The following FGFR2 variants were observed in gnomAD, a reference collection of about 807,000 sequenced individuals.
FGFR2 encodes fibroblast growth factor receptor 2, also known as BEK fibroblast growth factor receptor.
A neutral mutation model predicts 95.9 loss-of-function variants in FGFR2; 19 were observed. That is an observed-to-expected ratio of 0.20 (90% confidence interval 0.14 to 0.29). The LOEUF (loss-of-function observed/expected upper bound fraction) is 0.29, where lower values mean the gene tolerates loss of function less well. FGFR2 is among the 10% of genes least tolerant of loss of function. The probability of loss-of-function intolerance (pLI) is 1.00; values close to 1 mark genes in which losing one functional copy is unlikely to be tolerated. For missense variants in FGFR2, 707 were observed against 1,056.9 expected (o/e 0.67, Z 4.59); for synonymous variants, 392 against 393.3 (o/e 1.00, Z 0.04).
intron 3 of FGFR2, among the ~76,000 whole-genome samples, chr10:121,564,884 A>G (rs561817494): frequency 6.6e-6 from 1 of 152,296 alleles, no homozygotes; most frequent in East Asian, 1.9e-4. Flanking sequence ...AAATTTACCA[A>G]TTGTGTAGCA....
intron 5 of FGFR2, among the ~76,000 whole-genome samples, chr10:121,542,126 T>A (rs1471984094): frequency 6.6e-6 from 1 of 152,184 alleles, no homozygotes; most frequent in African/African-American, 2.4e-5. Flanking sequence ...AAGGTATCAT[T>A]AAACAGTTAT....
rs555148370 is a variant in FGFR2, at chr10:121,531,242, G to A, written c.748+7350C>T. On this transcript the variant is annotated intron_variant, in intron 6 of 17. Transcript: ENST00000358487. The surrounding 1 kb of genome is among the most constrained non-coding windows in gnomAD (Gnocchi z 4.5). Reference sequence around the variant, plus strand: ...TGGCGTGTGCCTGCTCCCACCCCAGGGAGCTGGCACCCGCAGAATACCACC... The same window carrying A: ...TGGCGTGTGCCTGCTCCCACCCCAGAGAGCTGGCACCCGCAGAATACCACC... 180 of 152,242 alleles carry A rather than the reference G, an allele frequency of 1.2e-3. 1 individual carries two copies. Among genetic ancestry groups the A allele is most frequent in the African/African-American group, 4.1e-3 (169 of 41,546 alleles). 9.4% of individuals were successfully genotyped at this position (152,242 alleles called of 1,614,324 possible).
intron 2 of FGFR2, among the ~76,000 whole-genome samples, chr10:121,567,264 C>A (rs1247833686): frequency 6.6e-6 from 1 of 152,272 alleles, no homozygotes; most frequent in Middle Eastern, 3.4e-3. Flanking sequence ...ACAGGAGGCC[C>A]GGGGCTTCTC....
At chr10:121,530,956 T>C (rs1381279042) in intron 6 of FGFR2, among the ~76,000 whole-genome samples, 2 of 152,178 alleles carry the variant, frequency 1.3e-5, no homozygotes, top group South Asian at 2.1e-4. Context: ...GGTAACCTCT[T>C]CTTACATAAA....
intron 13 of FGFR2, 130 bp downstream of exon 13, chr10:121,496,402 A>T: frequency 1.1e-6 from 1 of 941,494 alleles, no homozygotes; most frequent in Non-Finnish European, 1.7e-6. Flanking sequence ...ATAACGCAAT[A>T]AATATTTTCC....
At chr10:121,597,265 G>A (rs964256501) in intron 1 of FGFR2, among the ~76,000 whole-genome samples, 12 of 152,324 alleles carry the variant, frequency 7.9e-5, no homozygotes, top group Non-Finnish European at 1.2e-4. Context: ...AAATGAGCGC[G>A]CAAGTTAGAA....
At chr10:121,506,075 C>T (rs993946219) in intron 9 of FGFR2, among the ~76,000 whole-genome samples, 3 of 151,912 alleles carry the variant, frequency 2.0e-5, no homozygotes, top group Admixed American at 6.6e-5. Context: ...AAGAACCGGC[C>T]GGCCAGGCGC....
intron 9 of FGFR2, among the ~76,000 whole-genome samples, chr10:121,514,300 C>A (rs1849409113): frequency 6.6e-6 from 1 of 152,178 alleles, no homozygotes; most frequent in African/African-American, 2.4e-5. Context: ...TGTGAATAAG[C>A]AGAAAAGAGC....
At chr10:121,512,157 C>T (rs561803928) in intron 9 of FGFR2, among the ~76,000 whole-genome samples, 1 of 152,156 alleles carries the variant, frequency 6.6e-6, no homozygotes, top group East Asian at 1.9e-4. Flanking sequence ...CCATCCTTGA[C>T]ACATCTGATT....
intron 4 of FGFR2, among the ~76,000 whole-genome samples, chr10:121,554,072 A>C (rs1026155638): frequency 2.0e-5 from 3 of 152,212 alleles, no homozygotes; most frequent in African/African-American, 7.2e-5. Flanking sequence ...TCAATCATCA[A>C]AGCTACACCT....
At chr10:121,545,081 T>C (rs1354866902) in intron 5 of FGFR2, among the ~76,000 whole-genome samples, 1 of 152,178 alleles carries the variant, frequency 6.6e-6, no homozygotes, top group Non-Finnish European at 1.5e-5. Flanking sequence ...AGGTCAAGAC[T>C]GCACTGAGCC....
At chr10:121,492,195 A>G (rs1220357066) in intron 13 of FGFR2, among the ~76,000 whole-genome samples, 3 of 152,154 alleles carry the variant, frequency 2.0e-5, no homozygotes, top group Non-Finnish European at 4.4e-5. Flanking sequence ...ACGAAAAACA[A>G]ACTGCTCAGG....
intron 12 of FGFR2, among the ~76,000 whole-genome samples, chr10:121,497,930 C>A (rs41293749): frequency 6.6e-6 from 1 of 152,182 alleles, no homozygotes; most frequent in Non-Finnish European, 1.5e-5. Flanking sequence ...CAAAGATAGG[C>A]GTTTTCAAGT....
chr10:121,501,814 C>T (rs1847643506), intron 10 of FGFR2, among the ~76,000 whole-genome samples: 8 of 152,138 alleles, frequency 5.3e-5, no homozygotes, highest in Admixed American at 5.2e-4. Flanking sequence ...TTTGTTTCTA[C>T]CCAGAACGAA....
At chr10:121,585,162 A>G (rs1005219130) in intron 2 of FGFR2, among the ~76,000 whole-genome samples, 1 of 152,066 alleles carries the variant, frequency 6.6e-6, no homozygotes, top group Non-Finnish European at 1.5e-5. Context: ...AACAGAGGGG[A>G]AAAAAAATTT....
At chr10:121,523,111 G>A (rs541344435) in intron 6 of FGFR2, among the ~76,000 whole-genome samples, 22 of 152,290 alleles carry the variant, frequency 1.4e-4, no homozygotes, top group African/African-American at 5.3e-4. Context: ...GTTACTCTTA[G>A]CACATTTCAT....
At chr10:121,543,226 TC>T (rs1247837170) in intron 5 of FGFR2, among the ~76,000 whole-genome samples, 1 of 152,110 alleles carries the variant, frequency 6.6e-6, no homozygotes, top group Non-Finnish European at 1.5e-5. Flanking sequence ...ATGCAAAAAA[TC>T]TGCCAGGTGC....
At chr10:121,487,907 C>G in intron 14 of FGFR2, 84 bp downstream of exon 14, 1 of 1,564,864 alleles carries the variant, frequency 6.4e-7, no homozygotes, top group Non-Finnish European at 8.8e-7. Flanking sequence ...TCCCACCCAG[C>G]TCTCAACATT....
At chr10:121,489,230 A>C (rs1227341356) in intron 13 of FGFR2, among the ~76,000 whole-genome samples, 1 of 151,848 alleles carries the variant, frequency 6.6e-6, no homozygotes, top group East Asian at 1.9e-4. Flanking sequence ...CTGCCACCAC[A>C]CCCGGCTAAT....
Sources: allele counts gnomAD v4.1 joint callset (sites outside exome capture counted in the v4.1 genomes callset), GRCh38; gene constraint gnomAD v4.1.1; non-coding constraint Gnocchi (gnomAD v3.1); transcripts MANE v1.5; gene names NCBI Gene and HGNC (gene_info 2026-07-23, HGNC 2026-07-21).